The following ZFHX3 variants were observed in gnomAD, a reference collection of about 807,000 sequenced individuals.
ZFHX3 encodes zinc finger homeobox 3.
A neutral mutation model predicts 279.1 loss-of-function variants in ZFHX3; 42 were observed. The ratio of observed to expected loss-of-function variants is 0.15; its 90% CI spans 0.12 to 0.19. ZFHX3 has a LOEUF of 0.19. ZFHX3 is among the 10% of genes least tolerant of loss of function. The probability of loss-of-function intolerance (pLI) is 1.00; values close to 1 mark genes in which losing one functional copy is unlikely to be tolerated. For missense variants in ZFHX3, 4,981 were observed against 4,754.0 expected (o/e 1.05, Z -1.40); for synonymous variants, 2,293 against 1,957.8 (o/e 1.17, Z -4.52).
At chr16:73,478,099 C>A (rs796875086) in intron 2 of ZFHX3, among the ~76,000 whole-genome samples, 7 of 151,870 alleles carry the variant, frequency 4.6e-5, no homozygotes, top group African/African-American at 1.7e-4. Flanking sequence ...GGTGAAACCC[C>A]GTCTCTACTA....
chr16:73,100,474 A>C (rs191840863), intron 7 of ZFHX3, among the ~76,000 whole-genome samples: 39 of 152,292 alleles, frequency 2.6e-4, no homozygotes, highest in Middle Eastern at 3.4e-3. Flanking sequence ...CAGAAATATC[A>C]GGAAGTGGCA....
Position 73,785,161 on chromosome 16 carries a change from A to G in ZFHX3, c.-1607-104921T>C, listed in dbSNP as rs1187900220. ...AGTTATGTAACAGTTTTTAGTTACA[A>G]TACTATTTGCTGTATACATTATAAT... is the stretch of plus-strand genomic sequence containing the variant. On this transcript the variant is annotated intron_variant, in intron 1 of 17. Coordinates refer to the ZFHX3 transcript ENST00000641206. Among the ~76,000 whole-genome samples, 11 of 152,300 alleles carry G rather than the reference A, an allele frequency of 7.2e-5. No homozygotes were observed. The East Asian group carries it at 1.9e-3, about 27-fold the overall frequency.
At chr16:73,534,499 T>G (rs1210362211) in intron 2 of ZFHX3, among the ~76,000 whole-genome samples, 1 of 152,196 alleles carries the variant, frequency 6.6e-6, no homozygotes, top group Admixed American at 6.5e-5. Context: ...TGTTTATCGT[T>G]TGTCTGCCCC....
rs117104831 is a variant in ZFHX3, at chr16:73,435,827, G to T, written c.-1291+20176C>A. 6.0e-3 allele frequency among the ~76,000 whole-genome samples: 918 copies of T among 152,300 alleles called. 5 individuals carry two copies. The highest frequency in any genetic ancestry group is 9.6e-3 in the Non-Finnish European group (655 of 68,028). On this transcript the variant is annotated intron_variant, in intron 3 of 17. Coordinates refer to the ZFHX3 transcript ENST00000641206. ...AGGACCTTAGGAATCTGCTATTTGG[G>T]GTCAGGGGTATCTGCTGCTGAAGCC...
At chr16:73,574,960 G>T (rs2051784374) in intron 2 of ZFHX3, among the ~76,000 whole-genome samples, 1 of 152,076 alleles carries the variant, frequency 6.6e-6, no homozygotes, top group South Asian at 2.1e-4. Context: ...ACTCTCCTTT[G>T]TTCCATCTTT....
intron 1 of ZFHX3, among the ~76,000 whole-genome samples, chr16:73,878,688 T>G (rs1290030517): frequency 6.6e-6 from 1 of 151,884 alleles, no homozygotes; most frequent in Non-Finnish European, 1.5e-5. Flanking sequence ...AAAACAAGAT[T>G]GTTATTTATA....
At chr16:73,730,204 C>A (rs1328124368) in intron 1 of ZFHX3, among the ~76,000 whole-genome samples, 1 of 151,968 alleles carries the variant, frequency 6.6e-6, no homozygotes, top group African/African-American at 2.4e-5. Flanking sequence ...GTGACAAATG[C>A]AAAGGACAGA....
At chr16:73,196,742 T>G (rs1354297508) in intron 5 of ZFHX3, among the ~76,000 whole-genome samples, 3 of 152,132 alleles carry the variant, frequency 2.0e-5, no homozygotes, top group Admixed American at 6.5e-5. Context: ...GACCCATACG[T>G]GTAGGTGGCA....
chr16:73,757,105 T>A (rs1243458991), intron 1 of ZFHX3, among the ~76,000 whole-genome samples: 1 of 152,052 alleles, frequency 6.6e-6, no homozygotes, highest in Non-Finnish European at 1.5e-5. Flanking sequence ...GCTGTGGGAA[T>A]CTGAAACGGT....
intron 1 of ZFHX3, among the ~76,000 whole-genome samples, chr16:73,807,210 G>A (rs911239251): frequency 6.6e-6 from 1 of 152,082 alleles, no homozygotes; most frequent in Admixed American, 6.5e-5. Flanking sequence ...AAGTTGAGTT[G>A]TGTGAATACA....
chr16:73,630,094 T>C (rs921467642), intron 2 of ZFHX3, among the ~76,000 whole-genome samples: 2 of 152,178 alleles, frequency 1.3e-5, no homozygotes, highest in Non-Finnish European at 2.9e-5. Flanking sequence ...TGTCATGATA[T>C]TTCAGCACAT....
At chr16:72,886,932 G>A (rs1307191966) in intron 4 of ZFHX3, among the ~76,000 whole-genome samples, 1 of 152,194 alleles carries the variant, frequency 6.6e-6, no homozygotes, top group African/African-American at 2.4e-5. Context: ...ACCAATTAAG[G>A]TGTTTCAACT....
intron 5 of ZFHX3, among the ~76,000 whole-genome samples, chr16:73,168,211 T>TTTTCTTTCTTC: frequency 1.0e-5 from 1 of 95,312 alleles, no homozygotes; most frequent in South Asian, 4.4e-4. Context: ...GTTTCTTTTG[T>TTTTCTTTCTTC]TTTCTTTCTT....
chr16:73,527,637 G>T (rs367944422), intron 2 of ZFHX3, among the ~76,000 whole-genome samples: 7 of 152,330 alleles, frequency 4.6e-5, no homozygotes, highest in East Asian at 1.9e-4. Flanking sequence ...CTAAAAGGCT[G>T]TGGCTTCTGT....
At chr16:73,444,269 C>T (rs951934667) in intron 3 of ZFHX3, among the ~76,000 whole-genome samples, 4 of 152,208 alleles carry the variant, frequency 2.6e-5, no homozygotes, top group African/African-American at 9.7e-5. Flanking sequence ...GCTCTGATCC[C>T]TTGGGTGGGA....
intron 4 of ZFHX3, among the ~76,000 whole-genome samples, chr16:72,838,415 G>A (rs1164111453): frequency 6.6e-6 from 1 of 152,200 alleles, no homozygotes; most frequent in East Asian, 1.9e-4. Context: ...CAAGCCTGGG[G>A]GAGCCTCTCC....
chr16:72,956,840 A>AAAC (rs757815478), intron 2 of ZFHX3, among the ~76,000 whole-genome samples: 2 of 151,814 alleles, frequency 1.3e-5, no homozygotes, highest in Non-Finnish European at 2.9e-5. Context: ...GCAAAAAAAA[A>AAAC]AACATCTCTT....
At chr16:73,383,074 C>G (rs1310192072) in intron 3 of ZFHX3, among the ~76,000 whole-genome samples, 6 of 152,358 alleles carry the variant, frequency 3.9e-5, no homozygotes, top group African/African-American at 1.2e-4. Context: ...CTTGGCCGCT[C>G]TCCACATCCC....
At chr16:72,788,957 GA>G in intron 9 of ZFHX3, 109 bp from the exon 10 acceptor site, 2 of 1,447,362 alleles carry the variant, frequency 1.4e-6, no homozygotes, top group Non-Finnish European at 1.8e-6. Flanking sequence ...GTCAAGGCTT[GA>G]AGGATCCTCT....
Sources: gnomAD v4.1 joint callset for allele counts (sites outside exome capture counted in the v4.1 genomes callset) on GRCh38, gnomAD v4.1.1 for gene constraint, MANE v1.5 for transcripts, NCBI Gene and HGNC (gene_info 2026-07-23, HGNC 2026-07-21) for gene names.